Variants in ADAMTS17 observed in about 807,000 individuals in gnomAD.
ADAMTS17 encodes the protein ADAM metallopeptidase with thrombospondin type 1 motif 17.
In ADAMTS17, 113 loss-of-function variants were observed where a neutral mutation model predicts 141.5. The observed-to-expected ratio is 0.80, with a 90% CI of 0.69 to 0.93. ADAMTS17 has a LOEUF of 0.93. Among genes scored for constraint, ADAMTS17 ranks in the 40% least tolerant of loss-of-function variants. The pLI is 0.00. For synonymous variants in ADAMTS17, 768 were observed against 630.6 expected, an observed-to-expected ratio of 1.22 and a Z score of -3.27; for missense variants, 1,659 against 1,517.9, an observed-to-expected ratio of 1.09 and a Z score of -1.54.
intron 18 of ADAMTS17, among the ~76,000 whole-genome samples, chr15:100,032,742 G>A (rs1198444526): frequency 2.0e-5 from 3 of 152,224 alleles, no homozygotes; most frequent in African/African-American, 4.8e-5. Flanking sequence ...GGAAAACATT[G>A]TTTTGCATTC....
intron 8 of ADAMTS17, among the ~76,000 whole-genome samples, chr15:100,195,612 T>TTAAAA (rs1189071199): frequency 2.0e-5 from 1 of 49,502 alleles, no homozygotes; most frequent in Non-Finnish European, 3.6e-5. Context: ...TTGTTTGGTC[T>TTAAAA]CAAAAAAAAA....
chr15:100,032,170 G>T (rs1011337763), intron 18 of ADAMTS17, among the ~76,000 whole-genome samples: 1 of 152,060 alleles, frequency 6.6e-6, no homozygotes, highest in African/African-American at 2.4e-5. Flanking sequence ...CTCCTCCATT[G>T]CCTGCCAACT....
rs531728362 is a variant in ADAMTS17 at position 100,250,643 on chromosome 15, G to A, written c.1075+3493C>T. ...CTGATTGTCATGGTGGATGGACAAA[G>A]CTGCCCATGTAATAAGATGTCACAG... On this transcript the variant is annotated intron_variant, in intron 7 of 21. Coordinates refer to ENST00000268070, the MANE Select transcript of ADAMTS17 (RefSeq NM_139057.4). Among the ~76,000 whole-genome samples the A allele has an allele frequency of 7.0e-4, 107 of 152,316 alleles. No homozygotes were observed. In the South Asian group the frequency reaches 0.021, roughly 29 times the overall value.
chr15:100,260,013 T>G (rs2043461557), intron 6 of ADAMTS17, among the ~76,000 whole-genome samples: 1 of 152,018 alleles, frequency 6.6e-6, no homozygotes, highest in Non-Finnish European at 1.5e-5. Flanking sequence ...CCCAGCTAAT[T>G]TTTCTATTTT....
intron 7 of ADAMTS17, among the ~76,000 whole-genome samples, chr15:100,215,983 G>A (rs2041956832): frequency 6.6e-6 from 1 of 152,172 alleles, no homozygotes; most frequent in African/African-American, 2.4e-5. Flanking sequence ...GGCCATTCTT[G>A]GGAATGTAAG....
At chr15:100,176,692 T>C (rs1368035245) in intron 8 of ADAMTS17, among the ~76,000 whole-genome samples, 1 of 142,782 alleles carries the variant, frequency 7.0e-6, no homozygotes, top group South Asian at 2.2e-4. Context: ...ATCACGTGTG[T>C]ATCTTTGTGT....
chr15:100,199,293 G>A lies in ADAMTS17; in HGVS notation c.1181+25C>T, dbSNP rs181560877. On this transcript the variant is annotated intron_variant, in intron 8 of 21. Transcript: ENST00000268070. Reference sequence around the variant, plus strand: ...ACTCAAAAAGGACTGAAAGAAAACAGGACGACACAGAGTCTGATACTTACT... The same window carrying A: ...ACTCAAAAAGGACTGAAAGAAAACAAGACGACACAGAGTCTGATACTTACT... 522 of 1,596,886 alleles carry A rather than the reference G, an allele frequency of 3.3e-4. 3 individuals carry two copies. In the African/African-American group the frequency reaches 5.4e-3, roughly 16 times the overall value.
chr15:99,972,419 T>G lies in ADAMTS17; in HGVS notation c.*1983A>C, dbSNP rs1264546787. On this transcript the variant is annotated 3_prime_UTR_variant, in exon 22 of 22. Transcript: ENST00000268070. ...GCATATCTGGAGGCCCCGGGGCCCATGCAGGAGACCAAGCTAAGGCTTCCT... is the reference window on the plus strand; with the variant it reads ...GCATATCTGGAGGCCCCGGGGCCCAGGCAGGAGACCAAGCTAAGGCTTCCT... The G allele has an allele frequency of 2.6e-5, 4 of 152,224 alleles. No individual in the cohort carries two copies. Among genetic ancestry groups the G allele is most frequent in the African/African-American group, 9.6e-5 (4 of 41,470 alleles). The allele number at this position is 152,224 out of a possible 1,614,324, so 9.4% of individuals were successfully genotyped here.
At chr15:100,188,860 T>G (rs1304583094) in intron 8 of ADAMTS17, among the ~76,000 whole-genome samples, 2 of 152,058 alleles carry the variant, frequency 1.3e-5, no homozygotes, top group Non-Finnish European at 2.9e-5. Context: ...AGAGAAGAGA[T>G]TCCAAAGCCA....
intron 4 of ADAMTS17, among the ~76,000 whole-genome samples, chr15:100,270,560 G>C (rs1189684142): frequency 2.0e-5 from 3 of 151,782 alleles, no homozygotes; most frequent in Non-Finnish European, 4.4e-5. Context: ...CCTTCGCAAA[G>C]GATGCTGGTA....
intron 3 of ADAMTS17, among the ~76,000 whole-genome samples, chr15:100,283,333 G>C (rs1435762653): frequency 2.6e-5 from 4 of 152,208 alleles, no homozygotes; most frequent in African/African-American, 9.6e-5. Context: ...TTGGCAGAAG[G>C]AAAGAGGCCG....
At chr15:100,211,330 G>A (rs2041804104) in intron 7 of ADAMTS17, among the ~76,000 whole-genome samples, 1 of 147,762 alleles carries the variant, frequency 6.8e-6, no homozygotes, top group Non-Finnish European at 1.5e-5. Context: ...AGTTAGAAGA[G>A]CTTACATAAA....
intron 18 of ADAMTS17, among the ~76,000 whole-genome samples, chr15:100,020,186 T>C (rs1471479969): frequency 6.6e-6 from 1 of 152,134 alleles, no homozygotes; most frequent in Non-Finnish European, 1.5e-5. Flanking sequence ...CACAAAATTA[T>C]TCAATGTGAA....
At chr15:100,054,273 G>A (rs1047689784) in intron 15 of ADAMTS17, among the ~76,000 whole-genome samples, 5 of 152,164 alleles carry the variant, frequency 3.3e-5, no homozygotes. Context: ...GGATCCCCAG[G>A]GAGAGCTGTG....
intron 18 of ADAMTS17, among the ~76,000 whole-genome samples, chr15:100,043,346 G>A (rs1313108397): frequency 6.6e-6 from 1 of 152,190 alleles, no homozygotes; most frequent in Non-Finnish European, 1.5e-5. Flanking sequence ...CAGGAAGGGA[G>A]TGTAAGGAAG....
rs74247542 is a variant in ADAMTS17, at chr15:100,257,901, T to C, written c.1031+3578A>G. Among the ~76,000 whole-genome samples, 624 of 152,230 alleles carry C rather than the reference T, an allele frequency of 4.1e-3. 14 individuals are homozygous for C. The East Asian group carries it at 0.081, about 20-fold the overall frequency. ...ACACCGAAACTCTGTACCCATGAAA[T>C]AACAACTCCCCATTCTCCCTTCTCC... On this transcript the variant is annotated intron_variant, in intron 6 of 21. Coordinates refer to ENST00000268070, the MANE Select transcript of ADAMTS17 (RefSeq NM_139057.4).
At chr15:100,330,259 T>C (rs867323448) in intron 3 of ADAMTS17, among the ~76,000 whole-genome samples, 2 of 152,216 alleles carry the variant, frequency 1.3e-5, no homozygotes, top group Admixed American at 6.5e-5. Flanking sequence ...GATCAGGATG[T>C]TGGGGGACAG....
chr15:100,159,265 C>G (rs1008886159), intron 8 of ADAMTS17, among the ~76,000 whole-genome samples: 5 of 152,122 alleles, frequency 3.3e-5, no homozygotes, highest in Non-Finnish European at 4.4e-5. Context: ...TCTATACATA[C>G]AATGAAATAT....
intron 3 of ADAMTS17, among the ~76,000 whole-genome samples, chr15:100,329,272 C>A (rs1280665814): frequency 6.6e-6 from 1 of 152,152 alleles, no homozygotes; most frequent in Non-Finnish European, 1.5e-5. Flanking sequence ...GGCATAGTGG[C>A]TCATGCCTAT....
Sources: allele counts gnomAD v4.1 joint callset (sites outside exome capture counted in the v4.1 genomes callset), GRCh38; gene constraint gnomAD v4.1.1; transcripts MANE v1.5; gene names NCBI Gene and HGNC (gene_info 2026-07-23, HGNC 2026-07-21).